PRIM1: variants seen among roughly 807,000 people sequenced by gnomAD.
PRIM1 encodes the protein DNA primase small subunit.
A neutral mutation model predicts 60.2 loss-of-function variants in PRIM1; 38 were observed. The ratio of observed to expected loss-of-function variants is 0.63; its 90% confidence interval spans 0.49 to 0.83. The LOEUF is 0.83. Ranked by LOEUF, PRIM1 falls within the 40% of genes least tolerant of loss-of-function variation. The pLI, the probability that PRIM1 is intolerant of heterozygous loss-of-function variation, is 0.00. For missense variants in PRIM1, 388 were observed against 506.2 expected, an observed-to-expected ratio of 0.77 and a Z score of 2.24; for synonymous variants, 158 against 160.2, an observed-to-expected ratio of 0.99 and a Z score of 0.10.
intron 2 of PRIM1, among the ~76,000 whole-genome samples, chr12:56,747,869 G>A (rs555114759): frequency 3.3e-5 from 5 of 152,176 alleles, no homozygotes; most frequent in South Asian, 2.1e-4. Context: ...GATAAGAGGC[G>A]CAACCCAATT....
intron 2 of PRIM1, 100 bp downstream of exon 2, chr12:56,750,938 G>T: frequency 1.2e-6 from 1 of 849,454 alleles, no homozygotes; most frequent in Non-Finnish European, 1.6e-6. Context: ...TTTTCATCTA[G>T]AATAAACTCT....
chr12:56,751,107 A>C lies in PRIM1; in HGVS notation c.192T>G (p.Ser64Arg). 1 of 1,595,328 alleles carries C rather than the reference A, an allele frequency of 6.3e-7. No homozygotes were observed. The highest frequency in any genetic ancestry group is 8.6e-7 in the Non-Finnish European group (1 of 1,168,998). Reference protein sequence around the residue: ...YIRYQSFNNQSDLEKEMQKMN... With the variant: ...YIRYQSFNNQRDLEKEMQKMN... ...TTTTCTGCATCTCCTTTTCCAGATCACTCTGGTTGTTGAAGGATTGGTAGC... is the reference window on the plus strand; with the variant it reads ...TTTTCTGCATCTCCTTTTCCAGATCCCTCTGGTTGTTGAAGGATTGGTAGC... Residue 64 changes from serine (S) to arginine (R), a missense_variant, in exon 2 of 13, where the codon AGT becomes AGG. This residue lies in a region of PRIM1 where 156 missense variants were observed against 175.8 expected (regional missense o/e 0.89). Coordinates refer to ENST00000338193, the MANE Select transcript of PRIM1 (RefSeq NM_000946.3).
In PRIM1 at chr12:56,741,766, T is replaced by C. The variant is rs1953874031; in HGVS notation, c.820A>G (p.Lys274Glu). ...NSLQRWEHLK[K>E]VASRYQNNIK... ...TATACCTGATATCTGCTGGCTACTT[T>C]CTTCAAGTGCTCCCAACGCTGAAGT... Residue 274 changes from lysine to glutamate, a missense_variant, in exon 8 of 13, where the codon AAA becomes GAA. Physicochemically the swap from Lys to Glu is moderately conservative, Grantham distance 56. Around this residue, in one of 3 missense-constraint regions of PRIM1, gnomAD observed 211 missense variants for 277.9 expected, o/e 0.76. Coordinates refer to ENST00000338193, the MANE Select transcript of PRIM1 (RefSeq NM_000946.3). The C allele has an allele frequency of 6.2e-7, 1 of 1,613,832 alleles. No homozygotes were observed. Among genetic ancestry groups the C allele is most frequent in the African/African-American group, 1.3e-5 (1 of 74,948 alleles).
rs1953977143 is a variant in PRIM1, at chr12:56,752,255, A to G, written c.44T>C (p.Leu15Pro). The G allele has an allele frequency of 1.3e-6, 2 of 1,597,454 alleles. No individual in the cohort carries two copies. The highest frequency in any genetic ancestry group is 1.7e-6 in the Non-Finnish European group (2 of 1,172,250). The change falls in exon 1 of 13, where the codon CTT becomes CCT. Residue 15 changes from leucine (L) to proline (P), a missense_variant. Physicochemically the swap from Leu to Pro is moderately conservative, Grantham distance 98. This residue lies in a region of PRIM1 where 156 missense variants were observed against 175.8 expected (regional missense o/e 0.89). Transcript: ENST00000338193. ...GTAGGGAAAGAGCCTCCGGTAATAA[A>G]GTTTAAGCAGCTCGGGCAGCTCGGT... ...DPTELPELLK[L>P]YYRRLFPYSQ...
intron 9 of PRIM1, among the ~76,000 whole-genome samples, chr12:56,740,056 A>C (rs1474152565): frequency 6.6e-6 from 1 of 151,932 alleles, no homozygotes; most frequent in African/African-American, 2.4e-5. Flanking sequence ...GAATTGCTTG[A>C]ACCTGGAAGG....
At chr12:56,745,682 T>C (rs1953900932) in intron 5 of PRIM1, among the ~76,000 whole-genome samples, 1 of 152,158 alleles carries the variant, frequency 6.6e-6, no homozygotes, top group Non-Finnish European at 1.5e-5. Flanking sequence ...CTCATGTCTG[T>C]AATCCCAGCA....
intron 9 of PRIM1, 47 bp downstream of exon 9, chr12:56,741,388 A>G (rs1319173938): frequency 6.4e-7 from 1 of 1,563,494 alleles, no homozygotes; most frequent in Non-Finnish European, 8.7e-7. Flanking sequence ...TAAAGCCAAT[A>G]GCAACTCATT....
At chr12:56,744,832 T>C (rs932234062) in intron 5 of PRIM1, among the ~76,000 whole-genome samples, 2 of 151,676 alleles carry the variant, frequency 1.3e-5, no homozygotes, top group African/African-American at 4.8e-5. Context: ...TGGCTCACAC[T>C]TGTAATCCCA....
At chr12:56,736,614 G>A (rs745412261) in intron 11 of PRIM1, among the ~76,000 whole-genome samples, 3 of 150,950 alleles carry the variant, frequency 2.0e-5, no homozygotes, top group Non-Finnish European at 4.4e-5. Context: ...AGTGATTCTT[G>A]TGCCTCAGCC....
rs1388759406 is a variant in PRIM1, at chr12:56,746,661, CACACACACACACACAA to C, written c.442+104_442+119del. ...ACACACACACACACACACACACACACACACACACACACACAAATTAATGAGATTTGATCACAAAATA... is the reference window on the plus strand; with the variant it reads ...ACACACACACACACACACACACACACATTAATGAGATTTGATCACAAAATA... On this transcript the variant is annotated intron_variant, in intron 4 of 12. Transcript: ENST00000338193. 1.4e-4 allele frequency: 112 copies of C among 816,048 alleles called. 1 individual carries two copies. The highest frequency in any genetic ancestry group is 6.7e-4 in the Middle Eastern group (3 of 4,454). 50.6% of individuals were successfully genotyped at this position (816,048 alleles called of 1,614,324 possible).
intron 1 of PRIM1, among the ~76,000 whole-genome samples, chr12:56,751,966 GTTTTTTTT>G (rs66861394): frequency 1.3e-5 from 1 of 79,364 alleles, no homozygotes; most frequent in Non-Finnish European, 2.4e-5. Context: ...CGGCGGCTCT[GTTTTTTTT>G]TTTTTTTTTT....
Position 56,751,122 on chromosome 12 carries a change from G to A in PRIM1, c.177C>T (p.Ser59=), listed in dbSNP as rs1439906154. The A allele has an allele frequency of 1.3e-5, 21 of 1,588,688 alleles. No individual in the cohort carries two copies. The highest frequency in any genetic ancestry group is 1.7e-5 in the Non-Finnish European group (20 of 1,165,948). The change falls in exon 2 of 13, where the codon TCC becomes TCT. Residue 59 remains serine, a synonymous_variant. Transcript: ENST00000338193. ...TTTCCAGATCACTCTGGTTGTTGAA[G>A]GATTGGTAGCGAATGTAAATATCAT... is the stretch of plus-strand genomic sequence containing the variant. ...LKDDIYIRYQ[S]FNNQSDLEKE... is the part of the protein sequence containing the mutation.
chr12:56,734,900 C>T (rs998830265), intron 11 of PRIM1, among the ~76,000 whole-genome samples: 26 of 150,274 alleles, frequency 1.7e-4, no homozygotes, highest in African/African-American at 6.4e-4. Context: ...CAACTTCCGC[C>T]TCCCAGGTTC....
chr12:56,750,361 G>C (rs1263851648), intron 2 of PRIM1, among the ~76,000 whole-genome samples: 1 of 151,990 alleles, frequency 6.6e-6, no homozygotes, highest in Non-Finnish European at 1.5e-5. Context: ...GAGCCAAAGG[G>C]ATTTCCTAAT....
At chr12:56,747,582 C>T (rs1186188412) in intron 2 of PRIM1, among the ~76,000 whole-genome samples, 1 of 152,118 alleles carries the variant, frequency 6.6e-6, no homozygotes, top group African/African-American at 2.4e-5. Context: ...TGTCTCCCTA[C>T]TAAAGATACA....
At chr12:56,731,860 C>A in intron 12 of PRIM1, 126 bp from the exon 13 acceptor site, 2 of 759,994 alleles carry the variant, frequency 2.6e-6, no homozygotes, top group South Asian at 1.9e-5. Flanking sequence ...TTTGCTTACA[C>A]ATTTGCTGAA....
rs540401489 is a variant in PRIM1, at chr12:56,738,634, C to G, written c.1053-109G>C. ...TGGTGCGATCTTGGCTCACTGCAAC[C>G]TCCGCCTCCCAGGTTCAAGTGATTC... On this transcript the variant is annotated intron_variant, in intron 10 of 12. Transcript: ENST00000338193. 17 of 1,091,468 alleles carry G rather than the reference C, an allele frequency of 1.6e-5. No homozygotes were observed. The African/African-American group carries it at 2.4e-4, about 15-fold the overall frequency. 67.6% of individuals were successfully genotyped at this position (1,091,468 alleles called of 1,614,324 possible).
chr12:56,734,778 T>TTA (rs34889392), intron 11 of PRIM1, among the ~76,000 whole-genome samples: 28,403 of 140,092 alleles, frequency 0.2, 3,062 homozygotes, highest in South Asian at 0.28. Context: ...TCTTTTATAT[T>TTA]TATATATATA....
At chr12:56,744,763 T>C (rs1425205797) in intron 5 of PRIM1, among the ~76,000 whole-genome samples, 1 of 151,916 alleles carries the variant, frequency 6.6e-6, no homozygotes, top group Admixed American at 6.6e-5. Context: ...TCTCAGGATG[T>C]ATCCTTATTG....
Sources: gnomAD v4.1 joint callset for allele counts (sites outside exome capture counted in the v4.1 genomes callset) on GRCh38, gnomAD v4.1.1 for gene constraint, gnomAD v4.1.1 regional missense constraint, MANE v1.5 for transcripts, NCBI Gene and HGNC (gene_info 2026-07-23, HGNC 2026-07-21) for gene names.